Variants in CYP20A1 observed in about 807,000 individuals in gnomAD.
CYP20A1 encodes cytochrome P450 20A1.
In CYP20A1, 61 loss-of-function variants were observed where a neutral mutation model predicts 61.4. The observed-to-expected ratio is 0.99, with a 90% CI of 0.81 to 1.23. The LOEUF (loss-of-function observed/expected upper bound fraction) is 1.23. Among genes scored for constraint, CYP20A1 ranks in the 50% most tolerant of loss-of-function variants. The pLI is 0.00. For missense variants in CYP20A1, 530 were observed against 542.4 expected, an observed-to-expected ratio of 0.98 and a Z score of 0.23; for synonymous variants, 193 against 188.2, an observed-to-expected ratio of 1.03 and a Z score of -0.21.
At chr2:203,293,840 A>G (rs745434864) in intron 11 of CYP20A1, among the ~76,000 whole-genome samples, 39 of 152,144 alleles carry the variant, frequency 2.6e-4, no homozygotes, top group Non-Finnish European at 4.1e-4. Context: ...TGTTTTTGCA[A>G]GGAATTTTTT....
intron 1 of CYP20A1, among the ~76,000 whole-genome samples, chr2:203,240,271 T>A (rs1233138575): frequency 6.6e-6 from 1 of 152,244 alleles, no homozygotes; most frequent in Admixed American, 6.5e-5. Context: ...AATCAGGGAC[T>A]TCCTGAAATC....
intron 4 of CYP20A1, among the ~76,000 whole-genome samples, chr2:203,266,207 G>A (rs1248971195): frequency 6.6e-6 from 1 of 152,062 alleles, no homozygotes; most frequent in Non-Finnish European, 1.5e-5. Flanking sequence ...CCAAGAGTAT[G>A]GTCTTTTAAT....
In CYP20A1 at chr2:203,266,612, A is replaced by G. The variant is rs1244986599; in HGVS notation, c.531A>G (p.Thr177=). The change falls in exon 5 of 13, where the codon ACA becomes ACG. Residue 177 remains threonine, a synonymous_variant. Coordinates refer to ENST00000356079, the MANE Select transcript of CYP20A1 (RefSeq NM_177538.3). ...HMLGFAMKSV[T]QMVMGSTFED... is the part of the protein sequence containing the mutation. ...TTGGTTTTGCTATGAAGTCTGTTAC[A>G]CAGATGGTAATGGGTAGTACATTTG... The G allele has an allele frequency of 6.2e-7, 1 of 1,614,062 alleles. No individual in the cohort carries two copies. The highest frequency in any genetic ancestry group is 2.2e-5 in the East Asian group (1 of 44,888).
chr2:203,284,587 G>T (rs1395895105), intron 8 of CYP20A1, among the ~76,000 whole-genome samples: 1 of 151,942 alleles, frequency 6.6e-6, no homozygotes, highest in Non-Finnish European at 1.5e-5. Flanking sequence ...ATGAGCCAGT[G>T]ATCTTCCCAT....
intron 9 of CYP20A1, among the ~76,000 whole-genome samples, chr2:203,286,796 A>C (rs904579924): frequency 6.6e-6 from 1 of 152,218 alleles, no homozygotes; most frequent in African/African-American, 2.4e-5. Context: ...AAAATGGGTT[A>C]ATTTTATTGC....
chr2:203,281,560 TG>T (rs2068041587), intron 8 of CYP20A1, among the ~76,000 whole-genome samples: 1 of 151,320 alleles, frequency 6.6e-6, no homozygotes, highest in Non-Finnish European at 1.5e-5. Context: ...CCCAGCACTA[TG>T]GGAGGCTGAG....
chr2:203,256,227 G>C (rs1474276025), intron 4 of CYP20A1, among the ~76,000 whole-genome samples: 4 of 151,982 alleles, frequency 2.6e-5, no homozygotes, highest in African/African-American at 9.7e-5. Flanking sequence ...CCTTCATCTC[G>C]CAAAGTGCTG....
intron 10 of CYP20A1, among the ~76,000 whole-genome samples, chr2:203,291,008 A>G (rs920956469): frequency 2.6e-5 from 4 of 152,108 alleles, no homozygotes; most frequent in Admixed American, 6.6e-5. Context: ...TTTTAATTAT[A>G]TACTGGTACA....
intron 6 of CYP20A1, among the ~76,000 whole-genome samples, chr2:203,275,591 C>T (rs1008995754): frequency 4.6e-5 from 7 of 152,042 alleles, no homozygotes; most frequent in East Asian, 1.9e-4. Context: ...AGACGCCTGC[C>T]GCCGTGCTCA....
intron 8 of CYP20A1, among the ~76,000 whole-genome samples, chr2:203,285,024 C>T (rs767345544): frequency 4.6e-5 from 7 of 152,010 alleles, no homozygotes; most frequent in African/African-American, 7.2e-5. Context: ...TGATCCCCTC[C>T]GTGTGATCCC....
intron 1 of CYP20A1, among the ~76,000 whole-genome samples, chr2:203,243,073 C>T (rs1352833728): frequency 6.6e-6 from 1 of 152,174 alleles, no homozygotes; most frequent in African/African-American, 2.4e-5. Flanking sequence ...ATTCACTCTC[C>T]AAATCTTCTA....
intron 4 of CYP20A1, among the ~76,000 whole-genome samples, chr2:203,265,155 A>G (rs1575207646): frequency 6.6e-6 from 1 of 152,272 alleles, no homozygotes; most frequent in East Asian, 1.9e-4. Context: ...TTTTGGCAGT[A>G]TTCAAACTTA....
intron 6 of CYP20A1, among the ~76,000 whole-genome samples, chr2:203,275,158 C>T (rs1245230332): frequency 2.6e-5 from 4 of 152,140 alleles, no homozygotes; most frequent in African/African-American, 9.7e-5. Flanking sequence ...ATCAGGGTGT[C>T]GTGGGCATCA....
intron 3 of CYP20A1, among the ~76,000 whole-genome samples, chr2:203,251,137 G>A (rs2066655733): frequency 6.8e-6 from 1 of 146,522 alleles, no homozygotes; most frequent in South Asian, 2.2e-4. Context: ...TATCTCGGAT[G>A]CATTTTGCTG....
In CYP20A1 at chr2:203,301,111, G is replaced by A. The variant is rs1395898546; in HGVS notation, c.*4203G>A. On this transcript the variant is annotated 3_prime_UTR_variant, in exon 13 of 13. Transcript: ENST00000356079. ...CTGGGGAGGCTGAAACAGGAGAATCGCTTGAACCCAGTAGGGGAAGGTTGT... is the reference window on the plus strand; with the variant it reads ...CTGGGGAGGCTGAAACAGGAGAATCACTTGAACCCAGTAGGGGAAGGTTGT... Among the ~76,000 whole-genome samples the A allele has an allele frequency of 1.3e-5, 2 of 148,592 alleles. No homozygotes were observed. The highest frequency in any genetic ancestry group is 3.0e-5 in the Non-Finnish European group (2 of 67,568).
chr2:203,239,224 C>A, intron 1 of CYP20A1, 90 bp downstream of exon 1: 1 of 1,143,630 alleles, frequency 8.7e-7, no homozygotes, highest in Non-Finnish European at 1.3e-6. Context: ...CTGCGGGCCG[C>A]AGGGGGCGGG....
chr2:203,239,396 G>T (rs952237839), intron 1 of CYP20A1, among the ~76,000 whole-genome samples: 1 of 152,156 alleles, frequency 6.6e-6, no homozygotes, highest in African/African-American at 2.4e-5. Flanking sequence ...AAAAGCCCGC[G>T]CCCCCGCAGG....
chr2:203,257,695 A>G (rs1293652260), intron 4 of CYP20A1, among the ~76,000 whole-genome samples: 1 of 151,514 alleles, frequency 6.6e-6, no homozygotes, highest in Non-Finnish European at 1.5e-5. Flanking sequence ...AGGCTGAGGC[A>G]GGAGAATTGC....
In CYP20A1 at chr2:203,303,874, CAAA is replaced by C. The variant is rs34951226; in HGVS notation, c.*6984_*6986del. 5.7e-3 allele frequency among the ~76,000 whole-genome samples: 505 copies of C among 89,256 alleles called. 6 individuals carry two copies. The highest frequency in any genetic ancestry group is 0.013 in the Admixed American group (107 of 8,522). The allele number at this position is 89,256 out of a possible 152,430, so 58.6% of individuals were successfully genotyped here. Reference sequence around the variant, plus strand: ...CTTAGGCAATAAAACAAGACTGTCTCAAAAAAAAAAAAAAAAAAAACTTATTGA... The same window carrying C: ...CTTAGGCAATAAAACAAGACTGTCTCAAAAAAAAAAAAAAAAACTTATTGA... On this transcript the variant is annotated 3_prime_UTR_variant, in exon 13 of 13. Coordinates refer to ENST00000356079, the MANE Select transcript of CYP20A1 (RefSeq NM_177538.3).
Sources: allele counts gnomAD v4.1 joint callset (sites outside exome capture counted in the v4.1 genomes callset), GRCh38; gene constraint gnomAD v4.1.1; transcripts MANE v1.5; gene names NCBI Gene and HGNC (gene_info 2026-07-23, HGNC 2026-07-21).